The following STIM1 variants were observed in gnomAD, a reference collection of about 807,000 sequenced individuals.
The protein encoded by STIM1 is stromal interaction molecule 1.
A neutral mutation model predicts 74.7 loss-of-function variants in STIM1; 25 were observed. The ratio of observed to expected loss-of-function variants is 0.33; its 90% CI spans 0.24 to 0.47. STIM1 has a LOEUF of 0.47. Among genes scored for constraint, STIM1 ranks in the 20% least tolerant of loss-of-function variants. The probability of loss-of-function intolerance (pLI) is 1.00; values close to 1 mark genes in which losing one functional copy is unlikely to be tolerated. For missense variants in STIM1, 728 were observed against 920.8 expected, an observed-to-expected ratio of 0.79 and a Z score of 2.71; for synonymous variants, 328 against 348.8, an observed-to-expected ratio of 0.94 and a Z score of 0.66.
intron 1 of STIM1, among the ~76,000 whole-genome samples, chr11:3,930,380 T>C (rs531282432): frequency 3.9e-5 from 6 of 152,362 alleles, no homozygotes; most frequent in Admixed American, 3.9e-4. Flanking sequence ...AATGACAGCT[T>C]CCCTGTTTAT....
chr11:3,936,585 C>T (rs117144296), intron 1 of STIM1, among the ~76,000 whole-genome samples: 77 of 152,232 alleles, frequency 5.1e-4, no homozygotes, highest in Non-Finnish European at 8.2e-4. Context: ...GAAAAAAGGA[C>T]GGCTCCTAGG....
intron 1 of STIM1, among the ~76,000 whole-genome samples, chr11:3,904,597 A>G (rs2092430697): frequency 6.6e-6 from 1 of 152,164 alleles, no homozygotes; most frequent in South Asian, 2.1e-4. Flanking sequence ...CTTAGAATGT[A>G]TAGATTATAA....
At position 3,885,954 on chromosome 11, in the gene STIM1, T is replaced by C. The variant is rs2091689496; in HGVS notation, c.139+29545T>C. ...TGCGTGGCCCCATTCCAGTTTTCGA[T>C]GTGAGTTTGAGCATGATCGTAGGCA... On this transcript the variant is annotated intron_variant, in intron 1 of 12. Coordinates refer to ENST00000526596, the MANE Select transcript of STIM1 (RefSeq NM_001382567.1). Among the ~76,000 whole-genome samples, 4 of 152,154 alleles carry C rather than the reference T, an allele frequency of 2.6e-5. No individual in the cohort carries two copies. In the South Asian group the frequency reaches 8.3e-4, roughly 31 times the overall value.
At position 3,908,798 on chromosome 11, in the gene STIM1, G is replaced by A. The variant is rs573420678; in HGVS notation, c.139+52389G>A. 3.9e-5 allele frequency among the ~76,000 whole-genome samples: 6 copies of A among 152,194 alleles called. No homozygotes were observed. In the East Asian group the frequency reaches 1.2e-3, roughly 29 times the overall value. ...CAAGCCTAGAAACCAGAAGAAAGCC[G>A]AAGTCTGAATTTCCTGAACTGGACA... On this transcript the variant is annotated intron_variant, in intron 1 of 12. Transcript: ENST00000526596.
At chr11:4,038,235 A>G (rs899775093) in intron 3 of STIM1, among the ~76,000 whole-genome samples, 12 of 151,992 alleles carry the variant, frequency 7.9e-5, no homozygotes, top group African/African-American at 2.9e-4. Flanking sequence ...GGGTTTTGCC[A>G]TGTTGGTCAG....
intron 12 of STIM1, chr11:4,088,593 A>G (rs2094506291): frequency 9.7e-7 from 1 of 1,036,028 alleles, no homozygotes; most frequent in Non-Finnish European, 1.4e-6. Context: ...GATGCTGTGA[A>G]TTCCATGCTC....
At chr11:3,957,719 C>A (rs1169624667) in intron 1 of STIM1, among the ~76,000 whole-genome samples, 4 of 152,056 alleles carry the variant, frequency 2.6e-5, no homozygotes, top group Non-Finnish European at 4.4e-5. Context: ...GCACACTGGG[C>A]TAATTAAAAA....
rs138581001 is a variant in STIM1, at chr11:4,050,855, A to C, written c.386-4671A>C. Among the ~76,000 whole-genome samples the C allele has an allele frequency of 9.5e-3, 1,441 of 152,344 alleles. 29 individuals carry two copies. The highest frequency in any genetic ancestry group is 0.033 in the African/African-American group (1,370 of 41,570). The stretch of plus-strand genomic sequence containing the variant: ...ATATACTGTATTCTTACAATAAAGT[A>C]AGAGAAGAGGAAATGTTATTAAGAT... On this transcript the variant is annotated intron_variant, in intron 3 of 12. Transcript: ENST00000526596.
intron 1 of STIM1, among the ~76,000 whole-genome samples, chr11:3,857,113 T>G (rs1052098023): frequency 6.1e-5 from 9 of 147,948 alleles, no homozygotes; most frequent in African/African-American, 1.0e-4. Context: ...TTTTTGTTTT[T>G]TTTTTTTTTT....
intron 1 of STIM1, among the ~76,000 whole-genome samples, chr11:3,933,898 T>C (rs1565120260): frequency 6.6e-6 from 1 of 152,214 alleles, no homozygotes; most frequent in Non-Finnish European, 1.5e-5. Flanking sequence ...CATTGGGGCT[T>C]GGCTTGAGTG....
intron 2 of STIM1, among the ~76,000 whole-genome samples, chr11:4,000,029 G>A (rs1157428513): frequency 2.0e-5 from 3 of 152,034 alleles, no homozygotes; most frequent in Admixed American, 2.0e-4. Context: ...GCGAGGCTGG[G>A]GGAGGGGCGC....
chr11:3,999,248 G>A (rs1283362559), intron 2 of STIM1, among the ~76,000 whole-genome samples: 2 of 152,196 alleles, frequency 1.3e-5, no homozygotes, highest in Non-Finnish European at 2.9e-5. Context: ...TGAGGCAGGA[G>A]GACTGCTTAA....
intron 2 of STIM1, among the ~76,000 whole-genome samples, chr11:4,021,664 G>A (rs2093957061): frequency 6.6e-6 from 1 of 152,028 alleles, no homozygotes; most frequent in Admixed American, 6.6e-5. Flanking sequence ...TGGCTATTCA[G>A]GTTTCTTTTT....
chr11:4,047,607 C>A (rs991316566), intron 3 of STIM1, among the ~76,000 whole-genome samples: 6 of 151,962 alleles, frequency 3.9e-5, no homozygotes, highest in African/African-American at 1.5e-4. Flanking sequence ...CAGAGCAAGA[C>A]CCTTTTTCAA....
intron 2 of STIM1, among the ~76,000 whole-genome samples, chr11:4,005,496 C>G (rs370586708): frequency 6.8e-6 from 1 of 147,792 alleles, no homozygotes; most frequent in Admixed American, 7.0e-5. Flanking sequence ...AACCAAACAC[C>G]GCATGTTCTC....
chr11:3,991,178 T>TC (rs958598999), intron 2 of STIM1, among the ~76,000 whole-genome samples: 1 of 150,362 alleles, frequency 6.7e-6, no homozygotes, highest in Non-Finnish European at 1.5e-5. Flanking sequence ...TCTTTTTTTT[T>TC]TTTTTTTTTT....
chr11:3,943,946 T>A (rs1292746878), intron 1 of STIM1, among the ~76,000 whole-genome samples: 1 of 152,232 alleles, frequency 6.6e-6, no homozygotes, highest in East Asian at 1.9e-4. Flanking sequence ...TCTTCATCTA[T>A]ATTGAAGTAC....
intron 2 of STIM1, among the ~76,000 whole-genome samples, chr11:3,980,918 T>C (rs2093498142): frequency 6.6e-6 from 1 of 152,154 alleles, no homozygotes; most frequent in South Asian, 2.1e-4. Context: ...TATTGCCAGT[T>C]ACTATTGTCA....
intron 1 of STIM1, among the ~76,000 whole-genome samples, chr11:3,964,561 GC>G (rs1441533927): frequency 1.3e-5 from 2 of 152,126 alleles, no homozygotes; most frequent in African/African-American, 4.8e-5. Flanking sequence ...TGGGAAAGGT[GC>G]TGGTTAATTG....
Sources: gnomAD v4.1 joint callset for allele counts (sites outside exome capture counted in the v4.1 genomes callset) on GRCh38, gnomAD v4.1.1 for gene constraint, MANE v1.5 for transcripts, NCBI Gene and HGNC (gene_info 2026-07-23, HGNC 2026-07-21) for gene names.